PDZRN4: variants seen among roughly 807,000 people sequenced by gnomAD.
PDZRN4 encodes PDZ domain containing ring finger 4.
PDZRN4 carries 70 observed loss-of-function variants against 99.0 expected under a neutral mutation model. The observed-to-expected ratio is 0.71, with a 90% CI of 0.58 to 0.86. PDZRN4 has a LOEUF of 0.86. Ranked by LOEUF, PDZRN4 falls within the 40% of genes least tolerant of loss-of-function variation. The pLI, the probability that PDZRN4 is intolerant of heterozygous loss-of-function variation, is 0.00. For missense variants in PDZRN4, 1,474 were observed against 1,331.2 expected (o/e 1.11, Z -1.67); for synonymous variants, 551 against 501.6 (o/e 1.10, Z -1.32).
intron 3 of PDZRN4, among the ~76,000 whole-genome samples, chr12:41,364,291 A>G (rs777710642): frequency 5.9e-5 from 9 of 152,020 alleles, no homozygotes; most frequent in Non-Finnish European, 8.8e-5. Context: ...TTATCCAGTA[A>G]GCTTTCTGAA....
At chr12:41,352,241 T>A (rs895472127) in intron 3 of PDZRN4, among the ~76,000 whole-genome samples, 1 of 152,026 alleles carries the variant, frequency 6.6e-6, no homozygotes, top group Non-Finnish European at 1.5e-5. Context: ...TGGGCTACAC[T>A]TTTAAGAAGC....
chr12:41,343,649 T>A (rs1951832935), intron 3 of PDZRN4, among the ~76,000 whole-genome samples: 1 of 151,830 alleles, frequency 6.6e-6, no homozygotes, highest in Admixed American at 6.6e-5. Flanking sequence ...ATAGGAGGAA[T>A]AAGTTCTGGT....
chr12:41,427,468 A>G (rs1424654641), intron 3 of PDZRN4, among the ~76,000 whole-genome samples: 1 of 152,152 alleles, frequency 6.6e-6, no homozygotes, highest in African/African-American at 2.4e-5. Context: ...GCACACCTCA[A>G]TGTGTAACTT....
intron 3 of PDZRN4, among the ~76,000 whole-genome samples, chr12:41,478,668 T>A (rs1937627904): frequency 6.6e-6 from 1 of 152,142 alleles, no homozygotes; most frequent in Non-Finnish European, 1.5e-5. Flanking sequence ...GAGGAACAAA[T>A]ACAACTGTGA....
At chr12:41,198,530 A>T (rs1377600941) in intron 3 of PDZRN4, among the ~76,000 whole-genome samples, 2 of 147,552 alleles carry the variant, frequency 1.4e-5, no homozygotes, top group African/African-American at 5.0e-5. Flanking sequence ...GAAATTCATA[A>T]TGCAATGCAG....
chr12:41,338,404 A>C (rs966915266), intron 3 of PDZRN4, among the ~76,000 whole-genome samples: 2 of 152,096 alleles, frequency 1.3e-5, no homozygotes, highest in Non-Finnish European at 2.9e-5. Flanking sequence ...ATATTAAGGT[A>C]AAATGCTTAT....
chr12:41,522,283 ATGAAAG>A (rs1312594201), intron 5 of PDZRN4, among the ~76,000 whole-genome samples: 4 of 152,102 alleles, frequency 2.6e-5, no homozygotes, highest in African/African-American at 2.4e-5. Context: ...TCCCTCCAAA[ATGAAAG>A]TGAAAGGGAC....
chr12:41,197,528 T>A (rs2120651781), intron 3 of PDZRN4, among the ~76,000 whole-genome samples: 1 of 152,308 alleles, frequency 6.6e-6, no homozygotes, highest in East Asian at 1.9e-4. Context: ...TTTATGCTTG[T>A]AAATTTTAAA....
intron 3 of PDZRN4, among the ~76,000 whole-genome samples, chr12:41,251,419 T>G (rs1019164038): frequency 6.6e-6 from 1 of 152,166 alleles, no homozygotes; most frequent in African/African-American, 2.4e-5. Context: ...TATAAACTTT[T>G]TGTAAAGTAT....
At chr12:41,194,549 G>A (rs1950759483) in intron 3 of PDZRN4, among the ~76,000 whole-genome samples, 1 of 152,136 alleles carries the variant, frequency 6.6e-6, no homozygotes, top group Non-Finnish European at 1.5e-5. Flanking sequence ...GCTGAGGTGG[G>A]TGGATCACTC....
At chr12:41,529,216 CGTGT>C (rs71434370) in intron 5 of PDZRN4, among the ~76,000 whole-genome samples, 1 of 148,372 alleles carries the variant, frequency 6.7e-6, no homozygotes. Flanking sequence ...TGCATGTGCA[CGTGT>C]GTGTGTGTTT....
chr12:41,411,058 TA>T (rs1952394873), intron 3 of PDZRN4, among the ~76,000 whole-genome samples: 1 of 125,298 alleles, frequency 8.0e-6, no homozygotes, highest in East Asian at 2.1e-4. Context: ...AATATATATA[TA>T]TATATATATT....
intron 3 of PDZRN4, among the ~76,000 whole-genome samples, chr12:41,320,938 CT>C (rs1555129359): frequency 6.6e-6 from 1 of 151,954 alleles, no homozygotes; most frequent in Non-Finnish European, 1.5e-5. Flanking sequence ...TTTTTGTTTG[CT>C]TGCATCTTCT....
intron 3 of PDZRN4, among the ~76,000 whole-genome samples, chr12:41,381,071 G>A (rs1952121716): frequency 6.6e-6 from 1 of 152,086 alleles, no homozygotes. Context: ...GGTTTCTGCT[G>A]AGAAATACTC....
intron 6 of PDZRN4, among the ~76,000 whole-genome samples, chr12:41,553,409 G>C (rs1939092401): frequency 6.6e-6 from 1 of 152,166 alleles, no homozygotes; most frequent in Admixed American, 6.5e-5. Flanking sequence ...TATGTGAAGT[G>C]GGAAGGAATG....
chr12:41,513,538 T>G (rs1043978095), intron 5 of PDZRN4, among the ~76,000 whole-genome samples: 2 of 152,164 alleles, frequency 1.3e-5, no homozygotes, highest in African/African-American at 4.8e-5. Flanking sequence ...CATATACAAA[T>G]TTAACAATGC....
chr12:41,386,751 A>G (rs1288912166), intron 3 of PDZRN4, among the ~76,000 whole-genome samples: 1 of 152,218 alleles, frequency 6.6e-6, no homozygotes, highest in Non-Finnish European at 1.5e-5. Flanking sequence ...TAACCAAAAC[A>G]GGGTGGTACT....
At chr12:41,469,018 A>C (rs997248521) in intron 3 of PDZRN4, among the ~76,000 whole-genome samples, 2 of 152,080 alleles carry the variant, frequency 1.3e-5, no homozygotes, top group African/African-American at 4.8e-5. Context: ...CAAAAAAAAA[A>C]AAAAAATTGT....
chr12:41,396,332 T>A (rs1952245469), intron 3 of PDZRN4, among the ~76,000 whole-genome samples: 1 of 152,158 alleles, frequency 6.6e-6, no homozygotes, highest in African/African-American at 2.4e-5. Flanking sequence ...GCTGGCCGCT[T>A]ACTAACACTC....
Sources: gnomAD v4.1 joint callset for allele counts (sites outside exome capture counted in the v4.1 genomes callset) on GRCh38, gnomAD v4.1.1 for gene constraint, MANE v1.5 for transcripts, NCBI Gene and HGNC (gene_info 2026-07-23, HGNC 2026-07-21) for gene names.